Variants in GATAD2A observed in about 807,000 individuals in gnomAD.
GATAD2A encodes transcriptional repressor p66-alpha.
A neutral mutation model predicts 68.5 loss-of-function variants in GATAD2A; 12 were observed. The ratio of observed to expected loss-of-function variants is 0.18; its 90% confidence interval spans 0.11 to 0.28. The LOEUF (loss-of-function observed/expected upper bound fraction) is 0.28, where lower values mean the gene tolerates loss of function less well. Ranked by LOEUF, GATAD2A falls within the 10% of genes least tolerant of loss-of-function variation. The pLI, the probability that GATAD2A is intolerant of heterozygous loss-of-function variation, is 1.00. For synonymous variants in GATAD2A, 410 were observed against 375.3 expected, an observed-to-expected ratio of 1.09 and a Z score of -1.07; for missense variants, 755 against 868.5, an observed-to-expected ratio of 0.87 and a Z score of 1.64.
At chr19:19,477,115 G>A (rs1231835536) in intron 2 of GATAD2A, among the ~76,000 whole-genome samples, 2 of 152,116 alleles carry the variant, frequency 1.3e-5, no homozygotes, top group East Asian at 1.9e-4. Flanking sequence ...GCAGGGTAAC[G>A]CCTGAAGCCA....
intron 11 of GATAD2A, among the ~76,000 whole-genome samples, chr19:19,503,092 G>A (rs914097743): frequency 7.9e-5 from 12 of 152,160 alleles, no homozygotes; most frequent in Non-Finnish European, 1.2e-4. Context: ...AGTCAGGTGC[G>A]GCCCCACCGT....
chr19:19,446,507 C>G (rs777541907), intron 1 of GATAD2A, among the ~76,000 whole-genome samples: 1 of 151,406 alleles, frequency 6.6e-6, no homozygotes, highest in Non-Finnish European at 1.5e-5. Context: ...TCTATAATGC[C>G]CTTTGCACAA....
At chr19:19,448,185 C>T (rs1205939052) in intron 1 of GATAD2A, among the ~76,000 whole-genome samples, 2 of 152,254 alleles carry the variant, frequency 1.3e-5, no homozygotes, top group African/African-American at 2.4e-5. Context: ...ACAGTGACGT[C>T]CTACAGCTGG....
At chr19:19,430,976 G>GGTGTGTGTGTGTGTGTGTGTGTGT (rs71170687) in intron 1 of GATAD2A, among the ~76,000 whole-genome samples, 1 of 136,694 alleles carries the variant, frequency 7.3e-6, no homozygotes, top group African/African-American at 2.8e-5. Flanking sequence ...GTATGGTAGG[G>GGTGTGTGTGTGTGTGTGTGTGTGT]GTGTGTGTGT....
chr19:19,476,341 T>A (rs1003253549), intron 2 of GATAD2A, among the ~76,000 whole-genome samples: 1 of 152,222 alleles, frequency 6.6e-6, no homozygotes, highest in South Asian at 2.1e-4. Flanking sequence ...GCTTCTGATA[T>A]CTCCTCCCAG....
rs138788791 is a variant in GATAD2A at position 19,466,293 on chromosome 19, T to C, written c.269+679T>C. On this transcript the variant is annotated intron_variant, in intron 2 of 11. Coordinates refer to ENST00000683918, the MANE Select transcript of GATAD2A (RefSeq NM_001384528.1). ...CTTCCTTTCTCTCTGTAAAGACAAA[T>C]TCAGACCCAGCACCTGCTCTTGCAT... 5.3e-3 allele frequency among the ~76,000 whole-genome samples: 804 copies of C among 152,336 alleles called. 6 individuals are homozygous for C. Among genetic ancestry groups the C allele is most frequent in the South Asian group, 0.041 (197 of 4,830 alleles).
At chr19:19,492,838 A>AC in intron 4 of GATAD2A, 126 bp downstream of exon 4, 1 of 846,732 alleles carries the variant, frequency 1.2e-6, no homozygotes, top group Non-Finnish European at 1.8e-6. Flanking sequence ...GCAAGGTCCC[A>AC]CTCCCGCATT....
intron 10 of GATAD2A, 116 bp from the exon 11 acceptor site, chr19:19,502,215 A>AG: frequency 1.1e-6 from 1 of 948,360 alleles, no homozygotes; most frequent in Middle Eastern, 2.7e-4. Flanking sequence ...TTTGGACTTT[A>AG]GGGACCCCAT....
chr19:19,492,941 C>CTTT (rs11304753), intron 4 of GATAD2A, among the ~76,000 whole-genome samples: 3 of 134,024 alleles, frequency 2.2e-5, no homozygotes, highest in African/African-American at 2.9e-5. Context: ...CTAAAGCTCA[C>CTTT]TTTTTTTTTT....
At chr19:19,403,962 C>A (rs962361895), upstream of GATAD2A, among the ~76,000 whole-genome samples, 2 of 152,152 alleles carry the variant, frequency 1.3e-5, no homozygotes, top group African/African-American at 4.8e-5. Flanking sequence ...ATTTGAATTT[C>A]TTTGTAGCAA....
intron 2 of GATAD2A, among the ~76,000 whole-genome samples, chr19:19,489,563 G>T (rs1425138480): frequency 1.3e-5 from 2 of 152,220 alleles, no homozygotes; most frequent in African/African-American, 4.8e-5. Flanking sequence ...TTGATTAGTC[G>T]CAGGCCAAGA....
At chr19:19,411,582 G>T (rs2050926864) in intron 1 of GATAD2A, among the ~76,000 whole-genome samples, 1 of 152,236 alleles carries the variant, frequency 6.6e-6, no homozygotes, top group South Asian at 2.1e-4. Context: ...TCTCCAGCCA[G>T]CTTGGAGTTG....
chr19:19,487,281 G>T (rs2059502601), intron 2 of GATAD2A, among the ~76,000 whole-genome samples: 1 of 152,234 alleles, frequency 6.6e-6, no homozygotes, highest in African/African-American at 2.4e-5. Context: ...GTGCCACAGA[G>T]TGGGGCCATA....
chr19:19,498,830 C>T, intron 8 of GATAD2A, 108 bp downstream of exon 8: 1 of 965,614 alleles, frequency 1.0e-6, no homozygotes, highest in Non-Finnish European at 1.6e-6. Context: ...GCTGCCTAGC[C>T]AGGATGGTCC....
chr19:19,436,040 T>C, intron 1 of GATAD2A: 2 of 577,330 alleles, frequency 3.5e-6, no homozygotes, highest in South Asian at 3.3e-5. Context: ...TGCTATGTAA[T>C]TCCAGGGGTT....
chr19:19,489,750 G>T (rs1435987350), intron 2 of GATAD2A, among the ~76,000 whole-genome samples: 1 of 152,252 alleles, frequency 6.6e-6, no homozygotes, highest in Admixed American at 6.5e-5. Flanking sequence ...GTCCCTTAGA[G>T]CTTGGCTGTC....
At chr19:19,497,485 C>T (rs2060228820) in intron 7 of GATAD2A, among the ~76,000 whole-genome samples, 1 of 152,168 alleles carries the variant, frequency 6.6e-6, no homozygotes, top group Admixed American at 6.5e-5. Context: ...TGGTCTGCTC[C>T]TAGCGTGGCT....
At chr19:19,429,846 C>T (rs1452168835) in intron 1 of GATAD2A, among the ~76,000 whole-genome samples, 3 of 152,018 alleles carry the variant, frequency 2.0e-5, no homozygotes, top group East Asian at 3.9e-4. Flanking sequence ...GCTGATTCTC[C>T]GCATCTCTAG....
At position 19,414,787 on chromosome 19, in the gene GATAD2A, G is replaced by T. The variant is rs200947932; in HGVS notation, c.-7+8768G>T. On this transcript the variant is annotated intron_variant, in intron 1 of 11. Coordinates refer to ENST00000683918, the MANE Select transcript of GATAD2A (RefSeq NM_001384528.1). ...TGGCCTCAAGTGATTTGCCCACCTT[G>T]GCCTCCCAAAGTGCTAGGATTACAG... Among the ~76,000 whole-genome samples the T allele has an allele frequency of 3.3e-4, 48 of 146,630 alleles. No homozygotes were observed. The East Asian group carries it at 4.8e-3, about 15-fold the overall frequency.
Sources: gnomAD v4.1 joint callset for allele counts (sites outside exome capture counted in the v4.1 genomes callset) on GRCh38, gnomAD v4.1.1 for gene constraint, MANE v1.5 for transcripts, NCBI Gene and HGNC (gene_info 2026-07-23, HGNC 2026-07-21) for gene names.